NRG3: variants seen among roughly 807,000 people sequenced by gnomAD.
NRG3 encodes the protein neuregulin 3.
NRG3 carries 31 observed loss-of-function variants against 66.9 expected under a neutral mutation model. The ratio of observed to expected loss-of-function variants is 0.46; its 90% CI spans 0.35 to 0.63. NRG3 has a LOEUF of 0.63. Among genes scored for constraint, NRG3 ranks in the 20% least tolerant of loss-of-function variants. The pLI is 0.00. For synonymous variants in NRG3, 393 were observed against 359.4 expected, an observed-to-expected ratio of 1.09 and a Z score of -1.06; for missense variants, 910 against 878.9, an observed-to-expected ratio of 1.04 and a Z score of -0.45.
chr10:82,238,904 G>T (rs2076874014), intron 1 of NRG3, among the ~76,000 whole-genome samples: 1 of 90,494 alleles, frequency 1.1e-5, no homozygotes, highest in African/African-American at 4.2e-5. Context: ...TTATTTTTAG[G>T]TTATACCGTA....
rs117908844 is a variant in NRG3, at chr10:82,532,409, C to G, written c.953+173541C>G. The stretch of plus-strand genomic sequence containing the variant: ...AATCCATTGTACTATATATATAGTA[C>G]AATACATATATAGTACTATACAATG... On this transcript the variant is annotated intron_variant, in intron 2 of 8. Coordinates refer to ENST00000372141, the MANE Select transcript of NRG3 (RefSeq NM_001010848.4). Among the ~76,000 whole-genome samples, 88 of 149,846 alleles carry G rather than the reference C, an allele frequency of 5.9e-4. 1 individual carries two copies. The East Asian group carries it at 0.016, about 27-fold the overall frequency.
At chr10:82,939,723 C>A (rs1848423845) in intron 4 of NRG3, among the ~76,000 whole-genome samples, 1 of 152,048 alleles carries the variant, frequency 6.6e-6, no homozygotes. Context: ...CCCGCCTCGG[C>A]CTCCCGAAGT....
intron 2 of NRG3, among the ~76,000 whole-genome samples, chr10:82,596,272 G>C (rs1377026238): frequency 6.6e-6 from 1 of 152,174 alleles, no homozygotes; most frequent in Non-Finnish European, 1.5e-5. Context: ...AGCATGAGAA[G>C]TTGGGCCAGA....
intron 1 of NRG3, among the ~76,000 whole-genome samples, chr10:82,142,790 C>A (rs1590273315): frequency 9.1e-6 from 1 of 110,274 alleles, no homozygotes; most frequent in African/African-American, 3.5e-5. Flanking sequence ...TTTTTTGAGA[C>A]AGAGCAAGAC....
intron 2 of NRG3, among the ~76,000 whole-genome samples, chr10:82,379,030 A>G (rs1054511144): frequency 3.3e-5 from 5 of 152,180 alleles, no homozygotes; most frequent in African/African-American, 7.2e-5. Flanking sequence ...AATTGGGCGC[A>G]GGCAGCCATT....
intron 1 of NRG3, among the ~76,000 whole-genome samples, chr10:82,021,770 C>A (rs2062069202): frequency 6.8e-6 from 1 of 147,920 alleles, no homozygotes; most frequent in Non-Finnish European, 1.5e-5. Context: ...CTCTAATAAG[C>A]TTTTGGGCAT....
chr10:81,915,141 G>C (rs1054552968), intron 1 of NRG3, among the ~76,000 whole-genome samples: 3 of 152,070 alleles, frequency 2.0e-5, no homozygotes, highest in African/African-American at 4.8e-5. Context: ...TAAATATATG[G>C]TTTTTGTGGC....
chr10:82,348,658 A>C lies in NRG3; in HGVS notation c.824-10081A>C, dbSNP rs868169488. ...AGTTCTCCTGGATAATATCCTGCAG[A>C]GTGTTTTCCAACTTGGCTCCATTCT... On this transcript the variant is annotated intron_variant, in intron 1 of 8. Transcript: ENST00000372141. 1.9e-3 allele frequency among the ~76,000 whole-genome samples: 289 copies of C among 149,058 alleles called. No homozygotes were observed. In the Middle Eastern group the frequency reaches 0.028, roughly 14 times the overall value.
At chr10:82,542,166 A>G (rs1050656879) in intron 2 of NRG3, among the ~76,000 whole-genome samples, 2 of 152,122 alleles carry the variant, frequency 1.3e-5, no homozygotes. Context: ...GAATGAGAAC[A>G]TGTGGTGTTT....
chr10:82,593,792 A>G (rs2047115459), intron 2 of NRG3, among the ~76,000 whole-genome samples: 1 of 151,920 alleles, frequency 6.6e-6, no homozygotes, highest in Admixed American at 6.6e-5. Context: ...ATACTGACAT[A>G]TATTGAACAT....
intron 2 of NRG3, among the ~76,000 whole-genome samples, chr10:82,412,044 T>C (rs2088133622): frequency 6.6e-6 from 1 of 152,114 alleles, no homozygotes. Flanking sequence ...TGGAGTGGCA[T>C]AGGAGCCATT....
intron 2 of NRG3, among the ~76,000 whole-genome samples, chr10:82,421,857 A>C (rs2089103140): frequency 6.6e-6 from 1 of 151,958 alleles, no homozygotes; most frequent in Non-Finnish European, 1.5e-5. Flanking sequence ...TAAACTTTCT[A>C]GAAAAAAACC....
At chr10:82,330,115 T>C (rs765137418) in intron 1 of NRG3, among the ~76,000 whole-genome samples, 7 of 152,210 alleles carry the variant, frequency 4.6e-5, no homozygotes, top group Non-Finnish European at 8.8e-5. Context: ...AGGAACAACT[T>C]AATAAGAAGG....
At chr10:82,076,504 T>C (rs1374677005) in intron 1 of NRG3, among the ~76,000 whole-genome samples, 1 of 152,200 alleles carries the variant, frequency 6.6e-6, no homozygotes, top group Non-Finnish European at 1.5e-5. Flanking sequence ...CCGTCAAATC[T>C]CATGTTGAAA....
At chr10:82,361,841 C>T (rs1422697906) in intron 2 of NRG3, among the ~76,000 whole-genome samples, 1 of 151,632 alleles carries the variant, frequency 6.6e-6, no homozygotes, top group Non-Finnish European at 1.5e-5. Flanking sequence ...TATGCATGAC[C>T]CTGGCTTATT....
At chr10:82,199,172 G>GAAAAAAAAAAAAAAA in intron 1 of NRG3, among the ~76,000 whole-genome samples, 1 of 106,578 alleles carries the variant, frequency 9.4e-6, no homozygotes, top group Non-Finnish European at 2.0e-5. Context: ...ACTCTGTCCG[G>GAAAAAAAAAAAAAAA]AAAAAAAAAA....
chr10:82,712,088 ATTAG>A (rs1265018226), intron 2 of NRG3, among the ~76,000 whole-genome samples: 2 of 152,146 alleles, frequency 1.3e-5, no homozygotes, highest in African/African-American at 2.4e-5. Flanking sequence ...CCTTTGCACC[ATTAG>A]TTAGTTTCAT....
At position 82,224,600 on chromosome 10, in the gene NRG3, A is replaced by G. The variant is rs552055039; in HGVS notation, c.824-134139A>G. Among the ~76,000 whole-genome samples, 29 of 152,368 alleles carry G rather than the reference A, an allele frequency of 1.9e-4. No individual in the cohort carries two copies. In the South Asian group the frequency reaches 5.2e-3, roughly 27 times the overall value. ...AATAAGCAAACAAATGGAAACATCC[A>G]TAATATTAGCAAATATGATGCAAGA... On this transcript the variant is annotated intron_variant, in intron 1 of 8. Transcript: ENST00000372141.
chr10:82,618,248 A>G (rs1050413604), intron 2 of NRG3, among the ~76,000 whole-genome samples: 1 of 152,130 alleles, frequency 6.6e-6, no homozygotes, highest in African/African-American at 2.4e-5. Context: ...AGACAGTGCA[A>G]GCGACAATCA....
Sources: allele counts gnomAD v4.1 joint callset (sites outside exome capture counted in the v4.1 genomes callset), GRCh38; gene constraint gnomAD v4.1.1; transcripts MANE v1.5; gene names NCBI Gene and HGNC (gene_info 2026-07-23, HGNC 2026-07-21).